Variants in GABRB1 observed in about 807,000 individuals in gnomAD.
GABRB1 encodes gamma-aminobutyric acid type A receptor subunit beta1.
A neutral mutation model predicts 51.6 loss-of-function variants in GABRB1; 17 were observed. That is an observed-to-expected ratio of 0.33 (90% CI 0.23 to 0.49). The LOEUF is 0.49. GABRB1 is among the 20% of genes least tolerant of loss of function. The pLI is 0.99. For synonymous variants in GABRB1, 247 were observed against 218.9 expected (o/e 1.13, Z -1.14); for missense variants, 410 against 600.6 (o/e 0.68, Z 3.32).
chr4:47,256,699 A>G (rs1277750760), intron 4 of GABRB1, among the ~76,000 whole-genome samples: 1 of 152,194 alleles, frequency 6.6e-6, no homozygotes, highest in Non-Finnish European at 1.5e-5. Flanking sequence ...GAGGGAGAAG[A>G]GTGAGGTGCT....
rs59682924 is a variant in GABRB1, at chr4:47,426,428, C to CAAAAAAAAAAAAAAAAAAA, written c.*411_*429dup. ...GTAAACTATAACAAACTTATGCTGC[C>CAAAAAAAAAAAAAAAAAAA]AAAAAAAAAAAAAAAAAAACATAAA... is the stretch of plus-strand genomic sequence containing the variant. On this transcript the variant is annotated 3_prime_UTR_variant, in exon 9 of 9. Transcript: ENST00000295454. The CAAAAAAAAAAAAAAAAAAA allele has an allele frequency of 1.2e-5, 1 of 84,828 alleles. No homozygotes were observed. Among genetic ancestry groups the CAAAAAAAAAAAAAAAAAAA allele is most frequent in the African/African-American group, 3.6e-5 (1 of 27,650 alleles). 5.3% of individuals were successfully genotyped at this position (84,828 alleles called of 1,614,324 possible). A position where few individuals can be genotyped will look rare whatever the true frequency, so the allele number is the denominator to read the frequency against.
chr4:47,286,608 T>C (rs1217247099), intron 4 of GABRB1, among the ~76,000 whole-genome samples: 1 of 152,054 alleles, frequency 6.6e-6, no homozygotes, highest in East Asian at 1.9e-4. Context: ...AATAAAAAAC[T>C]GTATAAAACC....
At chr4:47,297,694 T>A (rs1055253745) in intron 4 of GABRB1, among the ~76,000 whole-genome samples, 1 of 152,304 alleles carries the variant, frequency 6.6e-6, no homozygotes, top group South Asian at 2.1e-4. Flanking sequence ...GAGGAACTGG[T>A]ACCATTCCTT....
chr4:47,181,741 A>C (rs748503890), intron 4 of GABRB1, among the ~76,000 whole-genome samples: 4 of 152,006 alleles, frequency 2.6e-5, no homozygotes, highest in East Asian at 3.9e-4. Flanking sequence ...TCTGATTACT[A>C]TTTCCTCAAA....
At chr4:47,017,632 T>TCACACA (rs151056923) in intron 1 of GABRB1, among the ~76,000 whole-genome samples, 1 of 150,436 alleles carries the variant, frequency 6.6e-6, no homozygotes, top group Non-Finnish European at 1.5e-5. Flanking sequence ...TTTTTCACAC[T>TCACACA]CACACACACA....
chr4:47,271,671 T>C (rs1268376590), intron 4 of GABRB1, among the ~76,000 whole-genome samples: 2 of 152,186 alleles, frequency 1.3e-5, no homozygotes, highest in Non-Finnish European at 2.9e-5. Flanking sequence ...TACACAATTT[T>C]ATATTATTTT....
chr4:47,032,277 G>T, intron 2 of GABRB1, 140 bp from the exon 3 acceptor site: 1 of 832,338 alleles, frequency 1.2e-6, no homozygotes, highest in South Asian at 1.6e-5. Flanking sequence ...GTTTTCCCAG[G>T]CAGTCCCCTG....
At chr4:47,081,468 T>C (rs529456784) in intron 3 of GABRB1, among the ~76,000 whole-genome samples, 1 of 152,312 alleles carries the variant, frequency 6.6e-6, no homozygotes, top group African/African-American at 2.4e-5. Flanking sequence ...AATGCATACA[T>C]TTAGTATTAC....
At chr4:47,121,275 C>T (rs1263302880) in intron 3 of GABRB1, among the ~76,000 whole-genome samples, 3 of 152,172 alleles carry the variant, frequency 2.0e-5, no homozygotes, top group Non-Finnish European at 2.9e-5. Flanking sequence ...CCCACAATTG[C>T]TGTGCTTTTC....
chr4:46,999,239 G>T lies in GABRB1; in HGVS notation c.-20+5313G>T, dbSNP rs965608810. On this transcript the variant is annotated intron_variant, in intron 1 of 3. Coordinates refer to the GABRB1 transcript ENST00000513567. The stretch of plus-strand genomic sequence containing the variant: ...TGGCCATTTAAACATTGTTAAATTT[G>T]TTGCCAAGTGCCTATTTTATGATGA... Among the ~76,000 whole-genome samples, 75 of 152,210 alleles carry T rather than the reference G, an allele frequency of 4.9e-4. 1 individual carries two copies. Among genetic ancestry groups the T allele is most frequent in the African/African-American group, 1.7e-3 (71 of 41,540 alleles).
chr4:47,250,376 T>C (rs1344603643), intron 4 of GABRB1, among the ~76,000 whole-genome samples: 1 of 152,190 alleles, frequency 6.6e-6, no homozygotes, highest in Non-Finnish European at 1.5e-5. Context: ...GTCTCACAGC[T>C]CTTAAGAGTC....
chr4:47,027,485 T>C (rs1395486095), upstream of GABRB1, among the ~76,000 whole-genome samples: 2 of 151,578 alleles, frequency 1.3e-5, no homozygotes, highest in Non-Finnish European at 3.0e-5. Context: ...AAGTGAAAAA[T>C]GCATTTTCAT....
At chr4:47,069,944 C>A (rs563877489) in intron 3 of GABRB1, among the ~76,000 whole-genome samples, 2 of 152,276 alleles carry the variant, frequency 1.3e-5, no homozygotes, top group African/African-American at 4.8e-5. Flanking sequence ...ATAAAGACCC[C>A]CATGTTGCTA....
chr4:47,081,710 C>T (rs189526188), intron 3 of GABRB1, among the ~76,000 whole-genome samples: 9 of 152,042 alleles, frequency 5.9e-5, no homozygotes, highest in East Asian at 3.9e-4. Flanking sequence ...TCTTTAGTAC[C>T]GGATATTAGA....
chr4:47,361,136 GA>G, intron 5 of GABRB1, among the ~76,000 whole-genome samples: 1 of 152,038 alleles, frequency 6.6e-6, no homozygotes, highest in South Asian at 2.1e-4. Flanking sequence ...CTAGTGACAA[GA>G]AAAAAATAGT....
At chr4:47,354,869 T>C (rs1252750640) in intron 5 of GABRB1, among the ~76,000 whole-genome samples, 1 of 109,380 alleles carries the variant, frequency 9.1e-6, no homozygotes, top group African/African-American at 3.5e-5. Context: ...CTTTTTTTTT[T>C]ATACCCTGAC....
chr4:47,322,328 T>G (rs529380132), intron 5 of GABRB1, among the ~76,000 whole-genome samples: 19 of 152,308 alleles, frequency 1.2e-4, no homozygotes, highest in Non-Finnish European at 2.1e-4. Context: ...ATGGTAATTA[T>G]CATCAAAGTG....
intron 4 of GABRB1, among the ~76,000 whole-genome samples, chr4:47,254,357 C>CTTTGTTTTTTTTT (rs1722104178): frequency 2.0e-5 from 1 of 49,662 alleles, no homozygotes; most frequent in African/African-American, 7.8e-5. Flanking sequence ...TGTTTCTTTT[C>CTTTGTTTTTTTTT]TTTGTTTTTT....
intron 3 of GABRB1, among the ~76,000 whole-genome samples, chr4:47,041,122 G>C (rs1725819274): frequency 6.6e-6 from 1 of 152,088 alleles, no homozygotes; most frequent in Admixed American, 6.6e-5. Context: ...AGTGTATTTG[G>C]TGATGAAATG....
Sources: allele counts gnomAD v4.1 joint callset (sites outside exome capture counted in the v4.1 genomes callset), GRCh38; gene constraint gnomAD v4.1.1; transcripts MANE v1.5; gene names NCBI Gene and HGNC (gene_info 2026-07-23, HGNC 2026-07-21).